DTWD1: variants seen among roughly 807,000 people sequenced by gnomAD.
DTWD1 encodes the protein DTW motif tRNA-uridine aminocarboxypropyltransferase 1, also known as tRNA-uridine aminocarboxypropyltransferase 1.
DTWD1 carries 27 observed loss-of-function variants against 30.2 expected under a neutral mutation model. That is an observed-to-expected ratio of 0.90 (90% CI 0.66 to 1.23). The LOEUF is 1.23. DTWD1 is among the 50% of genes most tolerant of loss of function. The pLI is 0.00. For synonymous variants in DTWD1, 99 were observed against 113.1 expected, an observed-to-expected ratio of 0.88 and a Z score of 0.79; for missense variants, 342 against 348.8, an observed-to-expected ratio of 0.98 and a Z score of 0.15.
At chr15:49,634,103 G>A (rs11857320) in intron 3 of DTWD1, among the ~76,000 whole-genome samples, 94,863 of 152,000 alleles carry the variant, frequency 0.62, 30,992 homozygotes, top group Non-Finnish European at 0.73. Context: ...CCTGCTCTCA[G>A]ACCACCATTT....
chr15:49,629,446 G>A (rs1186154438), intron 2 of DTWD1: 1 of 152,156 alleles, frequency 6.6e-6, no homozygotes, highest in African/African-American at 2.4e-5. Flanking sequence ...TAGCTGATCA[G>A]AAATATTGAT....
At position 49,648,697 on chromosome 15, in the gene DTWD1, T is replaced by TATATATTAC. The variant is rs1460889320; in HGVS notation, c.*5121_*5129dup. 1 of 152,212 alleles carries TATATATTAC rather than the reference T, an allele frequency of 6.6e-6. No individual in the cohort carries two copies. The highest frequency in any genetic ancestry group is 1.5e-5 in the Non-Finnish European group (1 of 68,028). The allele number at this position is 152,212 out of a possible 1,614,324, so 9.4% of individuals were successfully genotyped here. A position where few individuals can be genotyped will look rare whatever the true frequency, so the allele number is the denominator to read the frequency against. On this transcript the variant is annotated 3_prime_UTR_variant, in exon 5 of 5. Transcript: ENST00000403028. ...TTATAGTGAATCATATTTATCTCAT[T>TATATATTAC]ATATATTACAGAATATTTTGTTTGA...
chr15:49,632,073 T>A (rs1273426260), intron 2 of DTWD1, 86 bp from the exon 3 acceptor site: 1 of 1,141,412 alleles, frequency 8.8e-7, no homozygotes, highest in Admixed American at 2.7e-5. Context: ...ATTGTGAGCT[T>A]CCTATTTAGC....
chr15:49,640,177 A>G (rs1485264909), intron 4 of DTWD1, among the ~76,000 whole-genome samples: 1 of 152,020 alleles, frequency 6.6e-6, no homozygotes, highest in African/African-American at 2.4e-5. Flanking sequence ...CATAAACTAT[A>G]TATGATTTAG....
chr15:49,638,557 G>A (rs566637777), intron 4 of DTWD1, among the ~76,000 whole-genome samples: 1 of 152,220 alleles, frequency 6.6e-6, no homozygotes, highest in East Asian at 1.9e-4. Flanking sequence ...TGAATAAACC[G>A]AGTTACTTCC....
intron 4 of DTWD1, among the ~76,000 whole-genome samples, chr15:49,640,843 T>A (rs1009526718): frequency 6.6e-6 from 1 of 152,086 alleles, no homozygotes; most frequent in Non-Finnish European, 1.5e-5. Context: ...AGTTTGTGGT[T>A]CATCTTTTCA....
intron 4 of DTWD1, among the ~76,000 whole-genome samples, chr15:49,640,079 G>A (rs1361470001): frequency 1.3e-5 from 2 of 152,016 alleles, no homozygotes; most frequent in African/African-American, 2.4e-5. Flanking sequence ...ATTTACCTAT[G>A]TTTTCCCTTG....
rs1436961045 is a variant in DTWD1, at chr15:49,644,569, C to T, written c.*991C>T. On this transcript the variant is annotated 3_prime_UTR_variant, in exon 5 of 5. Coordinates refer to ENST00000403028, the MANE Select transcript of DTWD1 (RefSeq NM_001144955.2). Reference sequence around the variant, plus strand: ...TTGGTTGGGTTCAACAAATGGGAAGCACCAGTGGGAGATTAGAAGTTGAGA... The same window carrying T: ...TTGGTTGGGTTCAACAAATGGGAAGTACCAGTGGGAGATTAGAAGTTGAGA... 6.6e-6 allele frequency: 1 copy of T among 152,164 alleles called. No homozygotes were observed. The highest frequency in any genetic ancestry group is 2.1e-4 in the South Asian group (1 of 4,832). 9.4% of individuals were successfully genotyped at this position (152,164 alleles called of 1,614,324 possible).
chr15:49,641,069 G>T (rs2079059846), intron 4 of DTWD1, among the ~76,000 whole-genome samples: 1 of 151,862 alleles, frequency 6.6e-6, no homozygotes, highest in Non-Finnish European at 1.5e-5. Context: ...AAATAAGAAA[G>T]ACCTCTAATG....
rs544169589 is a variant in DTWD1 at position 49,623,519 on chromosome 15, C to T, written c.-55-1594C>T. 8.9e-4 allele frequency among the ~76,000 whole-genome samples: 136 copies of T among 152,108 alleles called. 1 individual carries two copies. The highest frequency in any genetic ancestry group is 3.2e-3 in the African/African-American group (134 of 41,498). ...GCTCAAGTAATCCTCCCACCTTAAC[C>T]TCCCAAATGCTAGTATTATAGGCAT... On this transcript the variant is annotated intron_variant, in intron 1 of 4. Coordinates refer to ENST00000403028, the MANE Select transcript of DTWD1 (RefSeq NM_001144955.2).
chr15:49,631,477 G>A (rs912941422), intron 2 of DTWD1, among the ~76,000 whole-genome samples: 3 of 152,096 alleles, frequency 2.0e-5, no homozygotes, highest in Non-Finnish European at 2.9e-5. Flanking sequence ...TTAAAATAGC[G>A]TAAGAGGCCA....
chr15:49,621,510 C>T (rs1026554648), intron 1 of DTWD1, among the ~76,000 whole-genome samples: 3 of 151,826 alleles, frequency 2.0e-5, no homozygotes, highest in African/African-American at 7.3e-5. Flanking sequence ...GAAGGGGAAG[C>T]GTAGTACAGA....
At chr15:49,630,373 T>G (rs1005711541) in intron 2 of DTWD1, among the ~76,000 whole-genome samples, 1 of 152,192 alleles carries the variant, frequency 6.6e-6, no homozygotes, top group African/African-American at 2.4e-5. Flanking sequence ...GTGCCCAGGG[T>G]AAATTCCTAG....
At chr15:49,632,335 T>C (rs1295352031) in intron 3 of DTWD1, 33 bp downstream of exon 3, 6 of 1,556,676 alleles carry the variant, frequency 3.9e-6, no homozygotes, top group Non-Finnish European at 8.6e-7. Context: ...CTCTTCACAT[T>C]GGATATAAAA....
At position 49,645,141 on chromosome 15, in the gene DTWD1, A is replaced by C. The variant is rs2079109047; in HGVS notation, c.*1563A>C. ...AAATAAACATTTTGAACTTTATTTA[A>C]GCTGATATATCTTAAACTTACTTGA... On this transcript the variant is annotated 3_prime_UTR_variant, in exon 5 of 5. Transcript: ENST00000403028. The C allele has an allele frequency of 6.6e-6, 1 of 152,206 alleles. No homozygotes were observed. The highest frequency in any genetic ancestry group is 2.4e-5 in the African/African-American group (1 of 41,470). The allele number at this position is 152,206 out of a possible 1,614,324, so 9.4% of individuals were successfully genotyped here.
intron 3 of DTWD1, among the ~76,000 whole-genome samples, chr15:49,633,193 T>C (rs2078954615): frequency 6.6e-6 from 1 of 151,650 alleles, no homozygotes; most frequent in East Asian, 1.9e-4. Context: ...AAATAGAATG[T>C]AGTGCTATGT....
At position 49,655,006 on chromosome 15, in the gene DTWD1, C is replaced by G. The variant is rs965071123; in HGVS notation, c.*11428C>G. 1.3e-5 allele frequency: 2 copies of G among 152,014 alleles called. No individual in the cohort carries two copies. Among genetic ancestry groups the G allele is most frequent in the Admixed American group, 1.3e-4 (2 of 15,222 alleles). The allele number at this position is 152,014 out of a possible 1,614,324, so 9.4% of individuals were successfully genotyped here. A position where few individuals can be genotyped will look rare whatever the true frequency, so the allele number is the denominator to read the frequency against. ...GTATCTTTGTCCCCTTATAAGGGCA[C>G]CAATCTCATCATGGAGGGTCTTCAA... On this transcript the variant is annotated 3_prime_UTR_variant, in exon 5 of 5. Transcript: ENST00000403028.
intron 3 of DTWD1, 29 bp from the exon 4 acceptor site, chr15:49,634,507 C>T (rs1472083105): frequency 1.3e-6 from 2 of 1,568,166 alleles, no homozygotes; most frequent in South Asian, 2.4e-5. Flanking sequence ...CATAGTAGCA[C>T]ACTGCTAACC....
At chr15:49,624,716 A>T (rs957015791) in intron 1 of DTWD1, among the ~76,000 whole-genome samples, 2 of 152,314 alleles carry the variant, frequency 1.3e-5, no homozygotes, top group African/African-American at 4.8e-5. Flanking sequence ...ATCTTTTAGA[A>T]CATAACCAAC....
Sources: allele counts gnomAD v4.1 joint callset (sites outside exome capture counted in the v4.1 genomes callset), GRCh38; gene constraint gnomAD v4.1.1; transcripts MANE v1.5; gene names NCBI Gene and HGNC (gene_info 2026-07-23, HGNC 2026-07-21).